ADAMTSL3: variants seen among roughly 807,000 people sequenced by gnomAD.
ADAMTSL3 encodes the protein ADAMTS like 3.
A neutral mutation model predicts 201.7 loss-of-function variants in ADAMTSL3; 128 were observed. That is an observed-to-expected ratio of 0.63 (90% CI 0.55 to 0.73). ADAMTSL3 has a LOEUF of 0.73. ADAMTSL3 is among the 30% of genes least tolerant of loss of function. The pLI, the probability that ADAMTSL3 is intolerant of heterozygous loss-of-function variation, is 0.00. For synonymous variants in ADAMTSL3, 738 were observed against 748.4 expected, an observed-to-expected ratio of 0.99 and a Z score of 0.23; for missense variants, 1,990 against 2,119.6, an observed-to-expected ratio of 0.94 and a Z score of 1.20.
At chr15:83,943,801 C>T (rs566443773) in intron 19 of ADAMTSL3, among the ~76,000 whole-genome samples, 48 of 152,282 alleles carry the variant, frequency 3.2e-4, no homozygotes, top group African/African-American at 1.1e-3. Flanking sequence ...CCATAGTGTT[C>T]CCATCACTGT....
chr15:84,036,897 A>T lies in ADAMTSL3; in HGVS notation c.4879A>T (p.Thr1627Ser), dbSNP rs752547041. The T allele has an allele frequency of 4.3e-6, 7 of 1,614,042 alleles. No individual in the cohort carries two copies. The African/African-American group carries it at 8.0e-5, about 18-fold the overall frequency. The stretch of plus-strand genomic sequence containing the variant: ...GTCTCGGAAAGTCGACTGTATCCAC[A>T]CAAGGAGTTGCAAACCTGTGGCCAA... ...FQSRKVDCIH[T>S]RSCKPVAKRH... is the part of the protein sequence containing the mutation. The change falls in exon 29 of 30, where the codon ACA becomes TCA. Residue 1627 changes from threonine (T) to serine (S), a missense_variant. Physicochemically the swap from Thr to Ser is moderately conservative, Grantham distance 58. Transcript: ENST00000286744.
chr15:83,774,418 G>A (rs1291089038), intron 4 of ADAMTSL3, among the ~76,000 whole-genome samples: 1 of 152,244 alleles, frequency 6.6e-6, no homozygotes, highest in Non-Finnish European at 1.5e-5. Flanking sequence ...TTTGGATTTT[G>A]TTGAGGTCAC....
intron 20 of ADAMTSL3, among the ~76,000 whole-genome samples, chr15:83,975,313 T>G (rs1231553634): frequency 6.6e-6 from 1 of 152,124 alleles, no homozygotes. Flanking sequence ...GCCTGCGTCT[T>G]TAGTTCTCCA....
chr15:83,812,240 C>T (rs887999506), intron 5 of ADAMTSL3, among the ~76,000 whole-genome samples: 11 of 152,136 alleles, frequency 7.2e-5, no homozygotes, highest in African/African-American at 2.4e-4. Flanking sequence ...CACCCCACCT[C>T]AAGTGGGAGA....
At chr15:83,681,993 A>G (rs12595343) in intron 2 of ADAMTSL3, among the ~76,000 whole-genome samples, 14,623 of 152,232 alleles carry the variant, frequency 0.096, 970 homozygotes, top group East Asian at 0.36. Context: ...TTTGTGTTGT[A>G]TAGTTGGCAT....
rs1245008322 is a variant in ADAMTSL3 at position 83,799,440 on chromosome 15, T to C, written c.318-5210T>C. 2.0e-5 allele frequency among the ~76,000 whole-genome samples: 3 copies of C among 152,320 alleles called. No homozygotes were observed. In the East Asian group the frequency reaches 5.8e-4, roughly 29 times the overall value. On this transcript the variant is annotated intron_variant, in intron 4 of 29. Transcript: ENST00000286744. ...AGAATGTCCCTTTCTCTTGCAGAAG[T>C]GTGTAACTTGATATTCTAGTTAAGT... is the stretch of plus-strand genomic sequence containing the variant.
chr15:83,999,322 C>T (rs1337664167), intron 23 of ADAMTSL3, among the ~76,000 whole-genome samples: 1 of 152,118 alleles, frequency 6.6e-6, no homozygotes, highest in Non-Finnish European at 1.5e-5. Context: ...AAGAAACCTT[C>T]TTATGCATAT....
At chr15:83,706,930 A>G (rs145167627) in intron 3 of ADAMTSL3, among the ~76,000 whole-genome samples, 60 of 152,134 alleles carry the variant, frequency 3.9e-4, no homozygotes, top group East Asian at 2.1e-3. Context: ...CGGCCTCCCA[A>G]AGCGTTGGGA....
At position 84,004,931 on chromosome 15, in the gene ADAMTSL3, C is replaced by T. The variant is rs146486120; in HGVS notation, c.3974-9611C>T. On this transcript the variant is annotated intron_variant, in intron 23 of 29. Coordinates refer to ENST00000286744, the MANE Select transcript of ADAMTSL3 (RefSeq NM_207517.3). Reference sequence around the variant, plus strand: ...GTTCCCGGGCTGGAGGATAGCTGTTCTTAGCAGTGACTCCCCTAAATTGAA... The same window carrying T: ...GTTCCCGGGCTGGAGGATAGCTGTTTTTAGCAGTGACTCCCCTAAATTGAA... 4.1e-3 allele frequency among the ~76,000 whole-genome samples: 626 copies of T among 152,306 alleles called. 1 individual carries two copies. The highest frequency in any genetic ancestry group is 0.014 in the African/African-American group (590 of 41,574).
chr15:83,926,485 G>C (rs1003995106), intron 17 of ADAMTSL3, among the ~76,000 whole-genome samples: 3 of 152,104 alleles, frequency 2.0e-5, no homozygotes, highest in Non-Finnish European at 4.4e-5. Flanking sequence ...AATCTTTTAA[G>C]AAAATTATTT....
chr15:83,857,392 T>G (rs1211942999), intron 7 of ADAMTSL3, among the ~76,000 whole-genome samples: 1 of 152,150 alleles, frequency 6.6e-6, no homozygotes, highest in African/African-American at 2.4e-5. Context: ...CACTGCCCTA[T>G]TTTTTAACCT....
At chr15:84,007,279 G>A (rs1254827071) in intron 23 of ADAMTSL3, among the ~76,000 whole-genome samples, 2 of 152,132 alleles carry the variant, frequency 1.3e-5, no homozygotes, top group Non-Finnish European at 2.9e-5. Flanking sequence ...CCTCGAACTG[G>A]CTTAAGAAAA....
chr15:83,960,225 C>T (rs905571086), intron 19 of ADAMTSL3, among the ~76,000 whole-genome samples: 1 of 152,086 alleles, frequency 6.6e-6, no homozygotes, highest in Non-Finnish European at 1.5e-5. Flanking sequence ...CCATTTTCCT[C>T]CTTTGAAACC....
chr15:83,835,891 CTT>C (rs1422274940), intron 6 of ADAMTSL3, among the ~76,000 whole-genome samples: 1 of 152,152 alleles, frequency 6.6e-6, no homozygotes, highest in East Asian at 1.9e-4. Context: ...AGTCAGATAA[CTT>C]GGGTTTTAAA....
At chr15:83,676,644 C>G (rs2061409534) in intron 2 of ADAMTSL3, among the ~76,000 whole-genome samples, 1 of 152,208 alleles carries the variant, frequency 6.6e-6, no homozygotes. Context: ...CACCGCTGCA[C>G]TCCAGCCTGG....
intron 16 of ADAMTSL3, among the ~76,000 whole-genome samples, chr15:83,914,397 C>T (rs777533319): frequency 2.6e-5 from 4 of 152,220 alleles, no homozygotes; most frequent in Non-Finnish European, 4.4e-5. Context: ...ATCATTCAGT[C>T]TCTATGGCTT....
chr15:83,970,049 T>C (rs774606693), intron 19 of ADAMTSL3, among the ~76,000 whole-genome samples: 8 of 152,172 alleles, frequency 5.3e-5, no homozygotes, highest in Non-Finnish European at 1.2e-4. Context: ...ACATGTGTAG[T>C]TCTTTGTATA....
At chr15:83,661,344 T>C (rs1401616800) in intron 2 of ADAMTSL3, among the ~76,000 whole-genome samples, 1 of 151,342 alleles carries the variant, frequency 6.6e-6, no homozygotes, top group Admixed American at 6.6e-5. Context: ...TTGATGGGGA[T>C]GGCATTGAAT....
At chr15:83,885,521 G>A (rs988090531) in intron 10 of ADAMTSL3, among the ~76,000 whole-genome samples, 1 of 151,770 alleles carries the variant, frequency 6.6e-6, no homozygotes, top group Non-Finnish European at 1.5e-5. Context: ...TGCCCTTAAA[G>A]TACGTATTAT....
Sources: gnomAD v4.1 joint callset for allele counts (sites outside exome capture counted in the v4.1 genomes callset) on GRCh38, gnomAD v4.1.1 for gene constraint, MANE v1.5 for transcripts, NCBI Gene and HGNC (gene_info 2026-07-23, HGNC 2026-07-21) for gene names.